The following ZNF804B variants were observed in gnomAD, a reference collection of about 807,000 sequenced individuals.
ZNF804B encodes the protein zinc finger 804B.
ZNF804B carries 80 observed loss-of-function variants against 101.4 expected under a neutral mutation model. The ratio of observed to expected loss-of-function variants is 0.79; its 90% CI spans 0.66 to 0.95. ZNF804B has a LOEUF of 0.95. ZNF804B is among the 40% of genes least tolerant of loss of function. The probability of loss-of-function intolerance (pLI) is 0.00; values close to 1 mark genes in which losing one functional copy is unlikely to be tolerated. For synonymous variants in ZNF804B, 622 were observed against 558.8 expected (o/e 1.11, Z -1.59); for missense variants, 1,673 against 1,561.9 (o/e 1.07, Z -1.20).
chr7:89,010,951 G>A (rs917468294), intron 1 of ZNF804B, among the ~76,000 whole-genome samples: 2 of 152,146 alleles, frequency 1.3e-5, no homozygotes, highest in Non-Finnish European at 2.9e-5. Context: ...GTTTTTGATT[G>A]ACTCCAAATA....
At chr7:89,133,855 G>A (rs1790589982) in intron 1 of ZNF804B, among the ~76,000 whole-genome samples, 1 of 152,004 alleles carries the variant, frequency 6.6e-6, no homozygotes, top group African/African-American at 2.4e-5. Context: ...GTATCTCATT[G>A]TGTCTCTCCT....
intron 1 of ZNF804B, among the ~76,000 whole-genome samples, chr7:88,792,222 T>G (rs532566976): frequency 1.3e-5 from 2 of 152,150 alleles, no homozygotes; most frequent in Admixed American, 1.3e-4. Flanking sequence ...GGGAGAGAGT[T>G]AGAAGCCACT....
intron 1 of ZNF804B, among the ~76,000 whole-genome samples, chr7:88,859,119 G>A (rs1005913250): frequency 2.0e-5 from 3 of 151,814 alleles, no homozygotes; most frequent in Admixed American, 6.6e-5. Context: ...TTATTTTCAG[G>A]CAACGCTCTT....
intron 1 of ZNF804B, among the ~76,000 whole-genome samples, chr7:88,889,715 A>G (rs1562823759): frequency 7.0e-6 from 1 of 142,718 alleles, no homozygotes; most frequent in Non-Finnish European, 1.5e-5. Flanking sequence ...ATTTACTGCC[A>G]TTCTGTAAGT....
At chr7:88,869,237 G>A (rs1791779831) in intron 1 of ZNF804B, among the ~76,000 whole-genome samples, 2 of 152,136 alleles carry the variant, frequency 1.3e-5, no homozygotes, top group South Asian at 4.2e-4. Context: ...GGCTAGTATT[G>A]GTCACAACTA....
chr7:89,303,223 A>G lies in ZNF804B; in HGVS notation c.250-24121A>G, dbSNP rs569584627. ...AACCAAGGAGAAGGCAGATATTTGT[A>G]TATTGCTGGCATGAAGACATTCTAA... On this transcript the variant is annotated intron_variant, in intron 2 of 3. Coordinates refer to ENST00000333190, the MANE Select transcript of ZNF804B (RefSeq NM_181646.5). Among the ~76,000 whole-genome samples, 3 of 152,084 alleles carry G rather than the reference A, an allele frequency of 2.0e-5. No individual in the cohort carries two copies. The South Asian group carries it at 6.2e-4, about 31-fold the overall frequency.
At chr7:89,280,258 A>G (rs528221396) in intron 2 of ZNF804B, among the ~76,000 whole-genome samples, 1 of 152,020 alleles carries the variant, frequency 6.6e-6, no homozygotes, top group East Asian at 1.9e-4. Context: ...CATTCAAAGC[A>G]GTGTGTAGAG....
intron 1 of ZNF804B, among the ~76,000 whole-genome samples, chr7:89,026,319 C>T (rs140694296): frequency 1.2e-4 from 18 of 152,254 alleles, no homozygotes; most frequent in African/African-American, 2.4e-4. Context: ...ATAGCTTACA[C>T]ATTTGTAATT....
At chr7:88,908,149 T>C (rs932742344) in intron 1 of ZNF804B, among the ~76,000 whole-genome samples, 4 of 151,902 alleles carry the variant, frequency 2.6e-5, no homozygotes, top group African/African-American at 9.7e-5. Context: ...TCTTGATCTC[T>C]AAACATTTGA....
intron 1 of ZNF804B, among the ~76,000 whole-genome samples, chr7:88,846,259 G>A (rs964536588): frequency 3.3e-5 from 5 of 152,044 alleles, no homozygotes; most frequent in Admixed American, 2.6e-4. Context: ...AAAACCACCC[G>A]CAGAGTCACT....
chr7:89,189,777 C>T (rs1788427312), intron 1 of ZNF804B, among the ~76,000 whole-genome samples: 1 of 152,082 alleles, frequency 6.6e-6, no homozygotes, highest in African/African-American at 2.4e-5. Flanking sequence ...TGGAATTCCT[C>T]AGATAAATTT....
chr7:88,841,698 C>T (rs1791294852), intron 1 of ZNF804B, among the ~76,000 whole-genome samples: 1 of 152,068 alleles, frequency 6.6e-6, no homozygotes, highest in Non-Finnish European at 1.5e-5. Flanking sequence ...ACCCCTCCCT[C>T]CTGAGCTTTT....
chr7:89,079,602 C>T (rs1789665858), intron 1 of ZNF804B, among the ~76,000 whole-genome samples: 1 of 151,972 alleles, frequency 6.6e-6, no homozygotes, highest in East Asian at 1.9e-4. Context: ...CCAGTTGGGG[C>T]AGACAGGCAT....
chr7:88,888,832 C>T (rs11974437), intron 1 of ZNF804B, among the ~76,000 whole-genome samples: 38,199 of 151,732 alleles, frequency 0.25, 5,471 homozygotes, highest in East Asian at 0.44. Context: ...AGACACTTAC[C>T]GGTTTGTTAC....
intron 2 of ZNF804B, among the ~76,000 whole-genome samples, chr7:89,325,192 T>G (rs530771435): frequency 1.3e-4 from 19 of 151,444 alleles, no homozygotes; most frequent in Middle Eastern, 3.4e-3. Context: ...GATCTCTGGG[T>G]TTTTTTTTCT....
intron 2 of ZNF804B, among the ~76,000 whole-genome samples, chr7:89,272,989 G>A (rs1199605768): frequency 6.6e-6 from 1 of 152,070 alleles, no homozygotes; most frequent in Non-Finnish European, 1.5e-5. Flanking sequence ...CAAATGCTAT[G>A]TAGCTGCAGT....
In ZNF804B at chr7:88,980,615, C is replaced by G. The variant is rs570919968; in HGVS notation, c.108+220531C>G. On this transcript the variant is annotated intron_variant, in intron 1 of 3. Coordinates refer to ENST00000333190, the MANE Select transcript of ZNF804B (RefSeq NM_181646.5). Reference sequence around the variant, plus strand: ...CTTGGATAAGATCAGGAAGAATTCTCTGGATTTCCAGGCAGAGACTTTTGT... The same window carrying G: ...CTTGGATAAGATCAGGAAGAATTCTGTGGATTTCCAGGCAGAGACTTTTGT... Among the ~76,000 whole-genome samples the G allele has an allele frequency of 2.0e-5, 3 of 152,206 alleles. No individual in the cohort carries two copies. The South Asian group carries it at 6.2e-4, about 32-fold the overall frequency.
intron 1 of ZNF804B, among the ~76,000 whole-genome samples, chr7:89,094,085 T>C (rs1212290428): frequency 6.6e-6 from 1 of 152,218 alleles, no homozygotes; most frequent in African/African-American, 2.4e-5. Context: ...CTTTATACTA[T>C]TGTCAAACAT....
At chr7:89,199,744 C>T (rs1044374070) in intron 1 of ZNF804B, among the ~76,000 whole-genome samples, 4 of 151,696 alleles carry the variant, frequency 2.6e-5, no homozygotes, top group Admixed American at 6.6e-5. Context: ...ATTATTCCTA[C>T]TGGCATCTTT....
Sources: gnomAD v4.1 joint callset for allele counts (sites outside exome capture counted in the v4.1 genomes callset) on GRCh38, gnomAD v4.1.1 for gene constraint, MANE v1.5 for transcripts, NCBI Gene and HGNC (gene_info 2026-07-23, HGNC 2026-07-21) for gene names.